Variants in TALDO1 observed in about 807,000 individuals in gnomAD.
The protein encoded by TALDO1 is transaldolase 1, also known as transaldolase.
TALDO1 carries 29 observed loss-of-function variants against 38.1 expected under a neutral mutation model. That is an observed-to-expected ratio of 0.76 (90% CI 0.57 to 1.04). The LOEUF (loss-of-function observed/expected upper bound fraction) is 1.04, where lower values mean the gene tolerates loss of function less well. TALDO1 is among the 50% of genes least tolerant of loss of function. The pLI is 0.00. For synonymous variants in TALDO1, 207 were observed against 176.8 expected (o/e 1.17, Z -1.36); for missense variants, 499 against 438.1 (o/e 1.14, Z -1.24).
At chr11:764,254 G>A (rs760031027) in intron 6 of TALDO1, 34 bp from the exon 7 acceptor site, 69 of 1,613,848 alleles carry the variant, frequency 4.3e-5, no homozygotes, top group Non-Finnish European at 5.8e-5. Context: ...CAGGGACATG[G>A]AGCAGGCATG....
intron 4 of TALDO1, chr11:761,024 CTG>C (rs1300101378): frequency 6.8e-6 from 1 of 147,890 alleles, no homozygotes; most frequent in African/African-American, 2.5e-5. Context: ...GAGCAAGACT[CTG>C]TCTCAAAAAG....
intron 4 of TALDO1, among the ~76,000 whole-genome samples, chr11:762,867 G>C (rs1862963425): frequency 6.6e-6 from 1 of 152,244 alleles, no homozygotes; most frequent in East Asian, 1.9e-4. Flanking sequence ...GGGTAGGGTG[G>C]AACAGGGTGA....
At position 755,918 on chromosome 11, in the gene TALDO1, C is replaced by G; in HGVS notation, c.137C>G (p.Pro46Arg). 6.2e-7 allele frequency: 1 copy of G among 1,614,148 alleles called. No individual in the cohort carries two copies. Among genetic ancestry groups the G allele is most frequent in the Non-Finnish European group, 8.5e-7 (1 of 1,180,026 alleles). The change falls in exon 2 of 8, where the codon CCG (proline) becomes CGG (arginine). Residue 46 changes from proline to arginine, a missense_variant. Transcript: ENST00000319006. ...EYKPQDATTN[P>R]SLILAAAQMP... is the part of the protein sequence containing the mutation. ...AAGCCCCAGGATGCTACCACCAACC[C>G]GTCCCTGATCCTGGCCGCAGCACAG... is the stretch of plus-strand genomic sequence containing the variant.
At chr11:753,456 G>A (rs956689733) in intron 1 of TALDO1, among the ~76,000 whole-genome samples, 7 of 152,106 alleles carry the variant, frequency 4.6e-5, no homozygotes, top group Non-Finnish European at 7.4e-5. Flanking sequence ...GCGTGAACCC[G>A]GGAGGCAGAG....
At chr11:755,197 T>C (rs1590068660) in intron 1 of TALDO1, among the ~76,000 whole-genome samples, 2 of 127,000 alleles carry the variant, frequency 1.6e-5, no homozygotes, top group East Asian at 5.3e-4. Flanking sequence ...CATGCTGGAG[T>C]GCAGTGGCGC....
In TALDO1 at chr11:764,305, G is replaced by C. The variant is rs754510275; in HGVS notation, c.853G>C (p.Glu285Gln). ...SAKAAQASDL[E>Q]KIHLDEKSFR... is the part of the protein sequence containing the mutation. Reference sequence around the variant, plus strand: ...TCCCCCAGCCCAAGCCAGTGACCTGGAAAAAATCCACCTGGATGAGAAGTC... The same window carrying C: ...TCCCCCAGCCCAAGCCAGTGACCTGCAAAAAATCCACCTGGATGAGAAGTC... The change falls in exon 7 of 8, where the codon GAA (glutamate) becomes CAA (glutamine). Residue 285 changes from glutamate to glutamine, a missense_variant. By Grantham distance (29) the Glu-to-Gln change is conservative (BLOSUM62 2). Coordinates refer to ENST00000319006, the MANE Select transcript of TALDO1 (RefSeq NM_006755.2). 6.2e-7 allele frequency: 1 copy of C among 1,614,190 alleles called. No individual in the cohort carries two copies. Among genetic ancestry groups the C allele is most frequent in the East Asian group, 2.2e-5 (1 of 44,886 alleles).
chr11:749,050 C>T (rs1041970412), intron 1 of TALDO1, among the ~76,000 whole-genome samples: 25 of 152,248 alleles, frequency 1.6e-4, no homozygotes, highest in African/African-American at 5.3e-4. Context: ...TTTTCCTAAA[C>T]CCACACCCAC....
At chr11:763,696 G>T in intron 5 of TALDO1, 51 bp from the exon 6 acceptor site, 1 of 1,597,588 alleles carries the variant, frequency 6.3e-7, no homozygotes. Context: ...AGGGCAGGTG[G>T]GGTGGTACCT....
At position 763,193 on chromosome 11, in the gene TALDO1, C is replaced by T. The variant is rs548657355; in HGVS notation, c.462-151C>T. The T allele has an allele frequency of 2.3e-3, 944 of 404,142 alleles. 36 individuals carry two copies. Among genetic ancestry groups the T allele is most frequent in the Non-Finnish European group, 2.6e-3 (587 of 224,198 alleles). 25.0% of individuals were successfully genotyped at this position (404,142 alleles called of 1,614,324 possible). A position where few individuals can be genotyped will look rare whatever the true frequency, so the allele number is the denominator to read the frequency against. ...GCACCTGGCCTGCATTCACCTGCCC[C>T]GCCCTCACCTGCCCCGCCCTCACCT... On this transcript the variant is annotated intron_variant, in intron 4 of 7. Transcript: ENST00000319006.
At chr11:760,287 A>G in intron 4 of TALDO1, 34 bp downstream of exon 4, 2 of 1,612,056 alleles carry the variant, frequency 1.2e-6, no homozygotes, top group Non-Finnish European at 1.7e-6. Flanking sequence ...GAGCTCTCAG[A>G]GATTTTTCCT....
chr11:747,633 G>T, intron 1 of TALDO1, 55 bp downstream of exon 1: 1 of 1,439,960 alleles, frequency 6.9e-7, no homozygotes, highest in Non-Finnish European at 9.4e-7. Context: ...AGGCCCCGGC[G>T]CCCCGATTTC....
intron 1 of TALDO1, among the ~76,000 whole-genome samples, chr11:747,834 G>C (rs1015314403): frequency 6.6e-6 from 1 of 152,186 alleles, no homozygotes; most frequent in East Asian, 1.9e-4. Flanking sequence ...GGCCGTGAGG[G>C]AGCAGGGCCG....
At chr11:759,850 G>A (rs751188357) in intron 3 of TALDO1, among the ~76,000 whole-genome samples, 15 of 152,242 alleles carry the variant, frequency 9.9e-5, no homozygotes, top group East Asian at 7.7e-4. Flanking sequence ...AAAGTGTTGG[G>A]ATTACAGGCG....
At chr11:763,560 T>C (rs761601188) in intron 5 of TALDO1, 41 bp downstream of exon 5, 9 of 1,611,424 alleles carry the variant, frequency 5.6e-6, no homozygotes, top group African/African-American at 1.3e-5. Context: ...GGGAGCAGCC[T>C]CAGCAGCACC....
At chr11:758,392 A>G (rs1331608071) in intron 2 of TALDO1, among the ~76,000 whole-genome samples, 1 of 152,014 alleles carries the variant, frequency 6.6e-6, no homozygotes, top group Non-Finnish European at 1.5e-5. Context: ...GGCTGTAATG[A>G]GCCATAATCA....
intron 3 of TALDO1, 24 bp from the exon 4 acceptor site, chr11:760,098 G>A (rs768667124): frequency 3.7e-6 from 6 of 1,613,328 alleles, no homozygotes; most frequent in Admixed American, 3.3e-5. Flanking sequence ...GATCTGAGGG[G>A]ATGGGTTCTT....
intron 4 of TALDO1, among the ~76,000 whole-genome samples, chr11:761,335 CAAAAAAAAAAA>C (rs71022968): frequency 1.5e-3 from 121 of 82,076 alleles, no homozygotes; most frequent in African/African-American, 5.1e-3. Flanking sequence ...GACTCCATCT[CAAAAAAAAAAA>C]AAAAAAAGAA....
At position 764,092 on chromosome 11, in the gene TALDO1, C is replaced by G. The variant is rs1863007597; in HGVS notation, c.835+148C>G. 3.0e-6 allele frequency: 4 copies of G among 1,338,310 alleles called. No homozygotes were observed. The South Asian group carries it at 5.1e-5, about 17-fold the overall frequency. 82.9% of individuals were successfully genotyped at this position (1,338,310 alleles called of 1,614,324 possible). On this transcript the variant is annotated intron_variant, in intron 6 of 7. Transcript: ENST00000319006. ...AAGTAGACCTCAACGGAGGGCTTGG[C>G]TTTCCTAACACATCTCACTCAAGTC... is the stretch of plus-strand genomic sequence containing the variant.
rs1164638952 is a variant in TALDO1, at chr11:764,443, G to T, written c.981+10G>T. 1.2e-6 allele frequency: 2 copies of T among 1,609,240 alleles called. No individual in the cohort carries two copies. Among genetic ancestry groups the T allele is most frequent in the South Asian group, 2.2e-5 (2 of 90,968 alleles). ...GGAGCGGATGCTGACAGTGAGTGTT[G>T]TGTGTGGGTACCTACATATGCCAAG... On this transcript the variant is annotated intron_variant, in intron 7 of 7. Transcript: ENST00000319006.
Sources: allele counts gnomAD v4.1 joint callset (sites outside exome capture counted in the v4.1 genomes callset), GRCh38; gene constraint gnomAD v4.1.1; transcripts MANE v1.5; gene names NCBI Gene and HGNC (gene_info 2026-07-23, HGNC 2026-07-21).